The following MAP2K4 variants were observed in gnomAD, a reference collection of about 807,000 sequenced individuals.
MAP2K4 encodes mitogen-activated protein kinase kinase 4, also known as dual specificity mitogen-activated protein kinase kinase 4.
Under a neutral mutation model 48.5 loss-of-function variants are expected in MAP2K4, and 4 were observed. That is an observed-to-expected ratio of 0.08 (90% confidence interval 0.04 to 0.19). The LOEUF (loss-of-function observed/expected upper bound fraction) is 0.19, where lower values mean the gene tolerates loss of function less well. MAP2K4 is among the 10% of genes least tolerant of loss of function. The probability of loss-of-function intolerance (pLI) is 1.00; values close to 1 mark genes in which losing one functional copy is unlikely to be tolerated. For synonymous variants in MAP2K4, 166 were observed against 173.1 expected, an observed-to-expected ratio of 0.96 and a Z score of 0.32; for missense variants, 258 against 493.3, an observed-to-expected ratio of 0.52 and a Z score of 4.52.
At chr17:12,101,878 C>T (rs1662012843) in intron 4 of MAP2K4, among the ~76,000 whole-genome samples, 1 of 152,046 alleles carries the variant, frequency 6.6e-6, no homozygotes, top group Admixed American at 6.6e-5. Flanking sequence ...AGCAACCTTG[C>T]TAAACTCAAA....
chr17:12,107,745 GAT>G (rs767654498), intron 4 of MAP2K4, 43 bp from the exon 5 acceptor site: 1 of 1,489,544 alleles, frequency 6.7e-7, no homozygotes, highest in Admixed American at 2.2e-5. Flanking sequence ...AAGGCAAGGT[GAT>G]ATTTAAGATG....
chr17:12,083,056 A>G (rs1035708030), intron 3 of MAP2K4, among the ~76,000 whole-genome samples: 11 of 152,204 alleles, frequency 7.2e-5, no homozygotes, highest in African/African-American at 2.4e-4. Context: ...TTAAAGTTGT[A>G]AACTTTTCTT....
intron 9 of MAP2K4, among the ~76,000 whole-genome samples, chr17:12,135,363 C>A (rs547536480): frequency 1.3e-5 from 2 of 150,112 alleles, no homozygotes; most frequent in African/African-American, 4.9e-5. Context: ...GGATTACAGG[C>A]GCGAGCCACT....
chr17:12,134,151 T>C (rs935711871), intron 9 of MAP2K4, among the ~76,000 whole-genome samples: 1 of 152,128 alleles, frequency 6.6e-6, no homozygotes, highest in Non-Finnish European at 1.5e-5. Flanking sequence ...GATACTGCAA[T>C]GATGGCTCTC....
chr17:12,034,255 G>A (rs1343024295), intron 1 of MAP2K4, among the ~76,000 whole-genome samples: 1 of 152,134 alleles, frequency 6.6e-6, no homozygotes, highest in Non-Finnish European at 1.5e-5. Context: ...CTTCTAAATG[G>A]CTCTGTTTTT....
At chr17:12,035,488 C>T (rs1435952821) in intron 1 of MAP2K4, among the ~76,000 whole-genome samples, 2 of 152,092 alleles carry the variant, frequency 1.3e-5, no homozygotes, top group Admixed American at 1.3e-4. Context: ...GGCACTCCAG[C>T]CTGGTCAACA....
rs150621416 is a variant in MAP2K4 at position 12,048,817 on chromosome 17, C to T, written c.116-6072C>T. ...GATTACAGGTGTCTGCCACCACGCC[C>T]GGCTAATTTTTGTATTTTTAGTAGA... On this transcript the variant is annotated intron_variant, in intron 1 of 10. Coordinates refer to ENST00000353533, the MANE Select transcript of MAP2K4 (RefSeq NM_003010.4). Among the ~76,000 whole-genome samples, 1,082 of 151,840 alleles carry T rather than the reference C, an allele frequency of 7.1e-3. 9 individuals are homozygous for T. The highest frequency in any genetic ancestry group is 0.012 in the Non-Finnish European group (832 of 67,928).
At position 12,139,792 on chromosome 17, in the gene MAP2K4, G is replaced by A. The variant is rs762816958; in HGVS notation, c.1041-47G>A. On this transcript the variant is annotated intron_variant, in intron 9 of 10. Transcript: ENST00000353533. ...TCATCTGTGAAAAGAAAAATACTTA[G>A]GCAAATGAATCTACATTTTAATAAT... 1.5e-5 allele frequency: 19 copies of A among 1,309,460 alleles called. No homozygotes were observed. In the East Asian group the frequency reaches 4.2e-4, roughly 29 times the overall value. 81.1% of individuals were successfully genotyped at this position (1,309,460 alleles called of 1,614,324 possible).
intron 1 of MAP2K4, chr17:12,021,655 A>G (rs1832476179): frequency 6.9e-6 from 1 of 145,682 alleles, no homozygotes; most frequent in African/African-American, 2.5e-5. Context: ...GCCACCTGTA[A>G]GGTAGGTAGG....
In MAP2K4 at chr17:12,138,434, TAAGG is replaced by T. The variant is rs566576782; in HGVS notation, c.1041-1401_1041-1398del. On this transcript the variant is annotated intron_variant, in intron 9 of 10. Transcript: ENST00000353533. ...AAAGAAAATGTTATTAAGAAAATCA[TAAGG>T]AAGAGAAAATATATTATTTATGAAG... Among the ~76,000 whole-genome samples, 36 of 152,060 alleles carry T rather than the reference TAAGG, an allele frequency of 2.4e-4. No homozygotes were observed. In the South Asian group the frequency reaches 7.3e-3, roughly 31 times the overall value.
Position 12,125,406 on chromosome 17 carries a change from C to T in MAP2K4, c.891+35C>T, listed in dbSNP as rs754714811. The T allele has an allele frequency of 2.8e-5, 44 of 1,544,820 alleles. 1 individual carries two copies. The East Asian group carries it at 4.3e-4, about 15-fold the overall frequency. ...TGCTGATTCAACCTTGCCACAGTAG[C>T]GTAACAATAAGAAATTTAGAAGTGA... is the stretch of plus-strand genomic sequence containing the variant. On this transcript the variant is annotated intron_variant, in intron 8 of 10. Coordinates refer to ENST00000353533, the MANE Select transcript of MAP2K4 (RefSeq NM_003010.4).
chr17:12,095,517 T>C, intron 3 of MAP2K4, 58 bp from the exon 4 acceptor site: 1 of 1,604,426 alleles, frequency 6.2e-7, no homozygotes, highest in Admixed American at 1.7e-5. Flanking sequence ...CTAAAAATTA[T>C]TGGTGTTTTT....
rs1165389249 is a variant in MAP2K4, at chr17:12,142,430, T to C, written c.*1170T>C. On this transcript the variant is annotated 3_prime_UTR_variant, in exon 11 of 11. Transcript: ENST00000353533. Reference sequence around the variant, plus strand: ...CGCTTAATCCAATATTTTGCCTTTTTTCTATATCAAAAAACCTTTACAGTT... The same window carrying C: ...CGCTTAATCCAATATTTTGCCTTTTCTCTATATCAAAAAACCTTTACAGTT... The C allele has an allele frequency of 4.3e-6, 1 of 232,988 alleles. No homozygotes were observed. Among genetic ancestry groups the C allele is most frequent in the East Asian group, 6.0e-5 (1 of 16,586 alleles). 14.4% of individuals were successfully genotyped at this position (232,988 alleles called of 1,614,324 possible). A position where few individuals can be genotyped will look rare whatever the true frequency, so the allele number is the denominator to read the frequency against.
chr17:12,033,962 A>G (rs1255035475), intron 1 of MAP2K4, among the ~76,000 whole-genome samples: 1 of 151,966 alleles, frequency 6.6e-6, no homozygotes, highest in Non-Finnish European at 1.5e-5. Context: ...GCTCATTTTA[A>G]AATTTTTTTG....
intron 3 of MAP2K4, among the ~76,000 whole-genome samples, chr17:12,087,111 G>A (rs1341262467): frequency 2.0e-5 from 3 of 152,098 alleles, no homozygotes; most frequent in African/African-American, 4.8e-5. Flanking sequence ...CCTCCCAAAA[G>A]TGCTGGGATT....
At chr17:12,120,466 CAT>C (rs992542297) in intron 7 of MAP2K4, among the ~76,000 whole-genome samples, 7 of 150,620 alleles carry the variant, frequency 4.6e-5, no homozygotes, top group African/African-American at 1.5e-4. Context: ...TCTCAAAAAA[CAT>C]ATATATAAAT....
chr17:12,048,548 G>A (rs1015737770), intron 1 of MAP2K4, among the ~76,000 whole-genome samples: 5 of 152,124 alleles, frequency 3.3e-5, no homozygotes, highest in African/African-American at 1.2e-4. Context: ...GCCAGTGGGG[G>A]GAGATAGGGG....
At chr17:12,121,500 G>A (rs1228282076) in intron 7 of MAP2K4, among the ~76,000 whole-genome samples, 2 of 151,472 alleles carry the variant, frequency 1.3e-5, no homozygotes, top group Non-Finnish European at 1.5e-5. Context: ...GCGGGAACCC[G>A]GGAGGCGGAG....
chr17:12,052,807 T>G (rs1488867560), intron 1 of MAP2K4, among the ~76,000 whole-genome samples: 1 of 152,180 alleles, frequency 6.6e-6, no homozygotes, highest in Non-Finnish European at 1.5e-5. Context: ...CATATTAAGG[T>G]AATTAATAGG....
Sources: allele counts gnomAD v4.1 joint callset (sites outside exome capture counted in the v4.1 genomes callset), GRCh38; gene constraint gnomAD v4.1.1; transcripts MANE v1.5; gene names NCBI Gene and HGNC (gene_info 2026-07-23, HGNC 2026-07-21).